Variants in TUSC3 observed in about 807,000 individuals in gnomAD.
TUSC3 encodes the protein dolichyl-diphosphooligosaccharide--protein glycosyltransferase subunit TUSC3.
Under a neutral mutation model 44.8 loss-of-function variants are expected in TUSC3, and 45 were observed. The observed-to-expected ratio is 1.00, with a 90% CI of 0.79 to 1.29. The LOEUF (loss-of-function observed/expected upper bound fraction) is 1.29, where lower values mean the gene tolerates loss of function less well. Among genes scored for constraint, TUSC3 ranks in the 50% most tolerant of loss-of-function variants. The pLI is 0.00. For synonymous variants in TUSC3, 212 were observed against 152.9 expected (o/e 1.39, Z -2.85); for missense variants, 519 against 437.9 (o/e 1.19, Z -1.65).
At chr8:15,595,536 G>T (rs1387602743) in intron 1 of TUSC3, among the ~76,000 whole-genome samples, 1 of 152,140 alleles carries the variant, frequency 6.6e-6, no homozygotes, top group Non-Finnish European at 1.5e-5. Context: ...CTGATGACCA[G>T]CGTCCTGAAA....
intron 1 of TUSC3, among the ~76,000 whole-genome samples, chr8:15,600,368 A>T (rs79881033): frequency 6.6e-6 from 1 of 151,804 alleles, no homozygotes; most frequent in African/African-American, 2.4e-5. Flanking sequence ...TCTAAGGACA[A>T]ACAGGTTTGA....
chr8:15,475,516 C>A (rs552591346), intron 1 of TUSC3, among the ~76,000 whole-genome samples: 2 of 152,228 alleles, frequency 1.3e-5, no homozygotes, highest in South Asian at 4.1e-4. Flanking sequence ...TTTTTAAATT[C>A]CCCTAGATAA....
chr8:15,487,801 A>C (rs966780838), intron 2 of TUSC3, among the ~76,000 whole-genome samples: 10 of 151,588 alleles, frequency 6.6e-5, no homozygotes, highest in African/African-American at 2.2e-4. Flanking sequence ...GGATCACTTC[A>C]TTTGACATCG....
chr8:15,808,822 CA>C, the TUSC3 span, among the ~76,000 whole-genome samples: 1 of 147,592 alleles, frequency 6.8e-6, no homozygotes, highest in East Asian at 2.0e-4. Flanking sequence ...ATTGTGCTTC[CA>C]GGGATTCTGA....
intron 7 of TUSC3, among the ~76,000 whole-genome samples, chr8:15,739,311 T>C (rs1379406881): frequency 1.3e-5 from 2 of 152,000 alleles, no homozygotes; most frequent in African/African-American, 2.4e-5. Flanking sequence ...TTTTGCCTTA[T>C]TTATTTGGGA....
At chr8:15,615,111 AT>A (rs971281261) in intron 1 of TUSC3, among the ~76,000 whole-genome samples, 19 of 152,180 alleles carry the variant, frequency 1.2e-4, no homozygotes, top group Admixed American at 1.2e-3. Flanking sequence ...AATGATGGTT[AT>A]TTATCCAAAG....
At chr8:15,730,849 A>G (rs1236835782) in intron 7 of TUSC3, 120 bp downstream of exon 7, 1 of 856,022 alleles carries the variant, frequency 1.2e-6, no homozygotes, top group Non-Finnish European at 1.8e-6. Context: ...TTTAGGCTGT[A>G]CTATATGACT....
intron 1 of TUSC3, among the ~76,000 whole-genome samples, chr8:15,573,198 C>CTATATA (rs1260702049): frequency 6.8e-4 from 69 of 101,512 alleles, no homozygotes; most frequent in Non-Finnish European, 9.3e-4. Context: ...CTCTCTCTCT[C>CTATATA]TCTCTATATA....
At chr8:15,572,332 C>T (rs866601431) in intron 1 of TUSC3, among the ~76,000 whole-genome samples, 4 of 152,144 alleles carry the variant, frequency 2.6e-5, no homozygotes, top group East Asian at 1.9e-4. Context: ...CCTCTGCCAG[C>T]TTTAAATTTT....
At chr8:15,600,154 A>T (rs916102899) in intron 1 of TUSC3, among the ~76,000 whole-genome samples, 7 of 151,814 alleles carry the variant, frequency 4.6e-5, no homozygotes, top group Admixed American at 6.6e-5. Context: ...CAATTATTTT[A>T]TAAGCATTTG....
chr8:15,471,303 G>C (rs1800490931), intron 1 of TUSC3, among the ~76,000 whole-genome samples: 1 of 152,102 alleles, frequency 6.6e-6, no homozygotes, highest in Admixed American at 6.6e-5. Flanking sequence ...ATGTTCTTGT[G>C]ACCAGAAATA....
At chr8:15,486,449 A>G (rs1800734035) in intron 2 of TUSC3, among the ~76,000 whole-genome samples, 1 of 151,832 alleles carries the variant, frequency 6.6e-6, no homozygotes, top group South Asian at 2.1e-4. Flanking sequence ...ACTCTCCTAC[A>G]ATTTTCTTCT....
intron 1 of TUSC3, among the ~76,000 whole-genome samples, chr8:15,430,430 C>A (rs977766968): frequency 4.7e-5 from 7 of 150,342 alleles, no homozygotes; most frequent in Admixed American, 1.3e-4. Context: ...GTTCAACAAC[C>A]CTTCATGTTA....
chr8:15,573,871 A>G (rs543960800), intron 1 of TUSC3, among the ~76,000 whole-genome samples: 42 of 152,146 alleles, frequency 2.8e-4, no homozygotes, highest in Non-Finnish European at 5.6e-4. Context: ...TCATATTGCA[A>G]CTTTCCTGAC....
chr8:15,590,302 A>T (rs1324873122), intron 1 of TUSC3, among the ~76,000 whole-genome samples: 1 of 152,200 alleles, frequency 6.6e-6, no homozygotes, highest in Non-Finnish European at 1.5e-5. Flanking sequence ...GAGAAGTTTT[A>T]TAGCCAGTTA....
At chr8:15,561,518 G>A (rs191184842) in intron 1 of TUSC3, 7,010 of 149,112 alleles carry the variant, frequency 0.047, 240 homozygotes, top group African/African-American at 0.098. Flanking sequence ...TCCTTGAGCT[G>A]TGGTGGGCTC....
the TUSC3 span, among the ~76,000 whole-genome samples, chr8:15,841,657 G>A: frequency 5.9e-5 from 9 of 152,072 alleles, no homozygotes; most frequent in Admixed American, 1.3e-4. Flanking sequence ...AGGATTACAG[G>A]CACATGCCCC....
At chr8:15,802,379 T>G in the TUSC3 span, among the ~76,000 whole-genome samples, 1 of 152,310 alleles carries the variant, frequency 6.6e-6, no homozygotes, top group African/African-American at 2.4e-5. Context: ...CCTCAAAGAT[T>G]AATTATGAAA....
intron 2 of TUSC3, among the ~76,000 whole-genome samples, chr8:15,630,453 G>C (rs1007791946): frequency 6.9e-6 from 1 of 144,166 alleles, no homozygotes; most frequent in Non-Finnish European, 1.6e-5. Context: ...TATATATACA[G>C]TATATATATT....
Sources: gnomAD v4.1 joint callset for allele counts (sites outside exome capture counted in the v4.1 genomes callset) on GRCh38, gnomAD v4.1.1 for gene constraint, MANE v1.5 for transcripts, NCBI Gene and HGNC (gene_info 2026-07-23, HGNC 2026-07-21) for gene names.